Variants in CACNG4 observed in about 807,000 individuals in gnomAD.
CACNG4 encodes calcium voltage-gated channel auxiliary subunit gamma 4.
Under a neutral mutation model 22.9 loss-of-function variants are expected in CACNG4, and 8 were observed. That is an observed-to-expected ratio of 0.35 (90% confidence interval 0.21 to 0.63). The LOEUF is 0.63. CACNG4 is among the 30% of genes least tolerant of loss of function. The pLI is 0.72. For missense variants in CACNG4, 357 were observed against 455.4 expected, an observed-to-expected ratio of 0.78 and a Z score of 1.97; for synonymous variants, 188 against 191.9, an observed-to-expected ratio of 0.98 and a Z score of 0.17.
chr17:67,013,435 T>G (rs16960478), intron 1 of CACNG4, among the ~76,000 whole-genome samples: 13,076 of 152,264 alleles, frequency 0.086, 911 homozygotes, highest in East Asian at 0.23. Context: ...TGCTCATTAC[T>G]CTATCGCTCA....
chr17:66,966,280 C>T (rs897065880), intron 1 of CACNG4, among the ~76,000 whole-genome samples: 6 of 152,204 alleles, frequency 3.9e-5, no homozygotes, highest in African/African-American at 1.4e-4. Flanking sequence ...GCTGCTTAAG[C>T]GTGGCGCTCA....
At chr17:67,010,312 A>G (rs950240471) in intron 1 of CACNG4, among the ~76,000 whole-genome samples, 5 of 152,176 alleles carry the variant, frequency 3.3e-5, no homozygotes, top group African/African-American at 9.7e-5. Context: ...CCTCAGCCCC[A>G]GAGTCTAATC....
chr17:67,001,541 C>G (rs2035408031), intron 1 of CACNG4, among the ~76,000 whole-genome samples: 1 of 152,200 alleles, frequency 6.6e-6, no homozygotes. Context: ...AGTAGCCTCC[C>G]TGACCCGCTT....
At chr17:67,022,178 G>A (rs572075877) in intron 2 of CACNG4, among the ~76,000 whole-genome samples, 11 of 151,934 alleles carry the variant, frequency 7.2e-5, no homozygotes, top group African/African-American at 2.4e-4. Context: ...GGGTTCAGGC[G>A]ATTCTTGTGC....
intron 1 of CACNG4, among the ~76,000 whole-genome samples, chr17:67,016,553 G>A (rs781445006): frequency 6.6e-6 from 1 of 152,184 alleles, no homozygotes; most frequent in Non-Finnish European, 1.5e-5. Flanking sequence ...AGAGGTGGAC[G>A]TGCACCCGGA....
chr17:66,983,224 A>G (rs1042146761), intron 1 of CACNG4, among the ~76,000 whole-genome samples: 1 of 152,078 alleles, frequency 6.6e-6, no homozygotes, highest in Non-Finnish European at 1.5e-5. Context: ...TGGGAGACTC[A>G]CCAGCCTGTG....
chr17:67,029,062 G>T (rs2035585402), intron 3 of CACNG4, among the ~76,000 whole-genome samples: 2 of 152,200 alleles, frequency 1.3e-5, no homozygotes, highest in African/African-American at 4.8e-5. Flanking sequence ...GCTGGGCGTG[G>T]TGGCTCACAC....
At chr17:66,973,314 G>A (rs1238371055) in intron 1 of CACNG4, among the ~76,000 whole-genome samples, 1 of 151,772 alleles carries the variant, frequency 6.6e-6, no homozygotes, top group Non-Finnish European at 1.5e-5. Context: ...CCTGGCATAT[G>A]CTTTAGGGGC....
In CACNG4 at chr17:67,024,864, C is replaced by A; in HGVS notation, c.309C>A (p.Ile103=). 1 of 1,549,296 alleles carries A rather than the reference C, an allele frequency of 6.5e-7. No homozygotes were observed. The change falls in exon 3 of 4, where the codon ATC becomes ATA. Residue 103 remains isoleucine, a synonymous_variant. Transcript: ENST00000262138. ...GCCCCCCACCTCCCCGGCCAGGCAT[C>A]GTGCGAGCCTCCAGCGTCTTCCCCA... ...DHDSSEYLLR[I]VRASSVFPIL...
chr17:67,002,307 A>G (rs1251574982), intron 1 of CACNG4, among the ~76,000 whole-genome samples: 1 of 152,212 alleles, frequency 6.6e-6, no homozygotes, highest in Non-Finnish European at 1.5e-5. Context: ...ACCCGCCCCC[A>G]TGATTCAATT....
At chr17:66,999,604 A>C (rs2035395765) in intron 1 of CACNG4, among the ~76,000 whole-genome samples, 1 of 152,110 alleles carries the variant, frequency 6.6e-6, no homozygotes, top group Admixed American at 6.5e-5. Context: ...GCACTTATAA[A>C]ACCATCAGAT....
chr17:67,000,172 C>T (rs139266796), intron 1 of CACNG4, among the ~76,000 whole-genome samples: 2 of 152,284 alleles, frequency 1.3e-5, no homozygotes, highest in East Asian at 1.9e-4. Flanking sequence ...TTCCTTGTGT[C>T]GTTTACAGCA....
intron 1 of CACNG4, among the ~76,000 whole-genome samples, chr17:66,980,043 T>C (rs1047321364): frequency 1.3e-5 from 2 of 152,184 alleles, no homozygotes; most frequent in East Asian, 1.9e-4. Context: ...CATGAGCCAC[T>C]GCACCCAGCC....
At chr17:66,997,275 A>C (rs527778128) in intron 1 of CACNG4, among the ~76,000 whole-genome samples, 4 of 152,182 alleles carry the variant, frequency 2.6e-5, no homozygotes, top group Non-Finnish European at 5.9e-5. Context: ...AAGGATGTGG[A>C]ATTCCAAGGT....
rs2035331413 is a variant in CACNG4, at chr17:66,990,303, C to T, written c.220+25172C>T. Among the ~76,000 whole-genome samples the T allele has an allele frequency of 2.0e-5, 3 of 152,236 alleles. No individual in the cohort carries two copies. In the South Asian group the frequency reaches 6.2e-4, roughly 32 times the overall value. On this transcript the variant is annotated intron_variant, in intron 1 of 3. Coordinates refer to ENST00000262138, the MANE Select transcript of CACNG4 (RefSeq NM_014405.4). Reference sequence around the variant, plus strand: ...AGTCCTTGCCACGTGGCCCCCTTGGCAGTTCACTGCATGGCTATTTGTTTT... The same window carrying T: ...AGTCCTTGCCACGTGGCCCCCTTGGTAGTTCACTGCATGGCTATTTGTTTT...
At chr17:66,971,805 G>A (rs1349070836) in intron 1 of CACNG4, among the ~76,000 whole-genome samples, 1 of 152,210 alleles carries the variant, frequency 6.6e-6, no homozygotes, top group African/African-American at 2.4e-5. Flanking sequence ...CAGGGGTTGG[G>A]CTGGGGAGGC....
At position 67,023,353 on chromosome 17, in the gene CACNG4, G is replaced by A. The variant is rs1034684388; in HGVS notation, c.305-1507G>A. Among the ~76,000 whole-genome samples, 10 of 135,286 alleles carry A rather than the reference G, an allele frequency of 7.4e-5. No homozygotes were observed. The East Asian group carries it at 2.2e-3, about 30-fold the overall frequency. 88.8% of individuals were successfully genotyped at this position (135,286 alleles called of 152,430 possible). On this transcript the variant is annotated intron_variant, in intron 2 of 3. Coordinates refer to ENST00000262138, the MANE Select transcript of CACNG4 (RefSeq NM_014405.4). Reference sequence around the variant, plus strand: ...TGCAGTGGCGCGATCTTGGCTCACTGCAAGCTCCGCCTCCCGGGTTCACGC... The same window carrying A: ...TGCAGTGGCGCGATCTTGGCTCACTACAAGCTCCGCCTCCCGGGTTCACGC...
chr17:67,026,232 G>GCA, intron 3 of CACNG4, among the ~76,000 whole-genome samples: 1 of 149,942 alleles, frequency 6.7e-6, no homozygotes, highest in African/African-American at 2.5e-5. Flanking sequence ...TGTGAAGAGT[G>GCA]TGGTGTGTAT....
chr17:66,984,119 C>G lies in CACNG4; in HGVS notation c.220+18988C>G, dbSNP rs914443950. On this transcript the variant is annotated intron_variant, in intron 1 of 3. Transcript: ENST00000262138. This position sits in a 1 kb window ranked among gnomAD's most constrained non-coding sequence, Gnocchi z 4.0. ...AGTAGCCAGCTGCAATGGCTTGAAC[C>G]TGTAATCCTAGCACTTTGGGAAGCC... Among the ~76,000 whole-genome samples, 3 of 152,210 alleles carry G rather than the reference C, an allele frequency of 2.0e-5. No homozygotes were observed. The highest frequency in any genetic ancestry group is 7.2e-5 in the African/African-American group (3 of 41,442).
Sources: allele counts gnomAD v4.1 joint callset (sites outside exome capture counted in the v4.1 genomes callset), GRCh38; gene constraint gnomAD v4.1.1; non-coding constraint Gnocchi (gnomAD v3.1); transcripts MANE v1.5; gene names NCBI Gene and HGNC (gene_info 2026-07-23, HGNC 2026-07-21).